RAPGEF2: variants seen among roughly 807,000 people sequenced by gnomAD.
RAPGEF2 encodes PDZ domain containing guanine nucleotide exchange factor (GEF) 1.
Under a neutral mutation model 186.7 loss-of-function variants are expected in RAPGEF2, and 54 were observed. The observed-to-expected ratio is 0.29, with a 90% CI of 0.23 to 0.36. The LOEUF (loss-of-function observed/expected upper bound fraction) is 0.36. Ranked by LOEUF, RAPGEF2 falls within the 10% of genes least tolerant of loss-of-function variation. The probability of loss-of-function intolerance (pLI) is 1.00; values close to 1 mark genes in which losing one functional copy is unlikely to be tolerated. For synonymous variants in RAPGEF2, 712 were observed against 705.9 expected (o/e 1.01, Z -0.14); for missense variants, 1,532 against 2,045.0 (o/e 0.75, Z 4.84).
intron 1 of RAPGEF2, among the ~76,000 whole-genome samples, chr4:159,104,508 GAGAGAGAGAGAGAGAGAGGGAGAGAC>G (rs1428538112): frequency 3.1e-5 from 4 of 128,692 alleles, no homozygotes; most frequent in South Asian, 4.9e-4. Flanking sequence ...GAGAGAGAGA[GAGAGAGAGAGAGAGAGAGGGAGAGAC>G]AGAGAGAGAG....
chr4:159,315,558 G>A (rs867990812), intron 9 of RAPGEF2, among the ~76,000 whole-genome samples: 3 of 152,086 alleles, frequency 2.0e-5, no homozygotes, highest in African/African-American at 4.8e-5. Flanking sequence ...ACCAAGTTGC[G>A]GAAACCGGTA....
At chr4:159,346,622 G>T (rs1306149524) in intron 24 of RAPGEF2, among the ~76,000 whole-genome samples, 167 bp from the exon 25 acceptor site, 2 of 151,972 alleles carry the variant, frequency 1.3e-5, no homozygotes, top group Non-Finnish European at 2.9e-5. Flanking sequence ...CTGTAACTAG[G>T]GTCCCCCATC....
At chr4:159,238,737 CT>C (rs2111465808) in intron 4 of RAPGEF2, 71 bp from the exon 5 acceptor site, 1 of 1,106,796 alleles carries the variant, frequency 9.0e-7, no homozygotes, top group South Asian at 1.8e-5. Context: ...GGAAGTTTGG[CT>C]TATGTTCACA....
intron 1 of RAPGEF2, among the ~76,000 whole-genome samples, chr4:159,146,516 T>C (rs1742982889): frequency 6.6e-6 from 1 of 152,184 alleles, no homozygotes; most frequent in South Asian, 2.1e-4. Flanking sequence ...TGTAATTACA[T>C]TTATTAATTT....
At chr4:159,194,962 G>A (rs1748483835) in intron 3 of RAPGEF2, among the ~76,000 whole-genome samples, 1 of 152,180 alleles carries the variant, frequency 6.6e-6, no homozygotes, top group African/African-American at 2.4e-5. Flanking sequence ...GTAAGTGCTT[G>A]AACTGAGGCA....
chr4:159,206,434 C>T (rs1749999092), intron 3 of RAPGEF2, among the ~76,000 whole-genome samples: 2 of 152,170 alleles, frequency 1.3e-5, no homozygotes, highest in South Asian at 4.1e-4. Flanking sequence ...TTCTCTTAAC[C>T]AGCTTCATTG....
chr4:159,282,169 T>A (rs1162122117), intron 7 of RAPGEF2, among the ~76,000 whole-genome samples: 1 of 152,220 alleles, frequency 6.6e-6, no homozygotes, highest in Non-Finnish European at 1.5e-5. Context: ...TTCATTTTCT[T>A]GATTTTTAAA....
chr4:159,233,481 A>T (rs1232249304), intron 4 of RAPGEF2, among the ~76,000 whole-genome samples: 1 of 152,234 alleles, frequency 6.6e-6, no homozygotes, highest in Non-Finnish European at 1.5e-5. Context: ...AGCAACCTGG[A>T]TGAGACTGGA....
intron 1 of RAPGEF2, among the ~76,000 whole-genome samples, chr4:159,138,898 T>C (rs1383860072): frequency 6.6e-6 from 1 of 152,188 alleles, no homozygotes; most frequent in Admixed American, 6.5e-5. Context: ...CCAACTTAAC[T>C]ACCACGTGAA....
intron 2 of RAPGEF2, among the ~76,000 whole-genome samples, chr4:159,190,540 A>C (rs1326514651): frequency 6.6e-6 from 1 of 152,238 alleles, no homozygotes; most frequent in Non-Finnish European, 1.5e-5. Context: ...TTACTGTATT[A>C]GTCTGTTCTC....
chr4:159,167,670 TTTTCTCTGTTTTGTATGCTAGTG>T (rs1745473206), intron 1 of RAPGEF2, among the ~76,000 whole-genome samples: 1 of 152,244 alleles, frequency 6.6e-6, no homozygotes, highest in African/African-American at 2.4e-5. Flanking sequence ...AGGACAATGA[TTTTCTCTGTTTTGTATGCTAGTG>T]TGTTCCTGGC....
intron 1 of RAPGEF2, among the ~76,000 whole-genome samples, chr4:159,185,219 G>C (rs1380292549): frequency 6.6e-6 from 1 of 152,108 alleles, no homozygotes; most frequent in African/African-American, 2.4e-5. Context: ...TTACCTGTGG[G>C]ATTATAAAAT....
chr4:159,134,010 C>G (rs1310369804), intron 1 of RAPGEF2, among the ~76,000 whole-genome samples: 2 of 152,178 alleles, frequency 1.3e-5, no homozygotes, highest in South Asian at 4.1e-4. Flanking sequence ...TGAGCCACCA[C>G]GCCTGGCAAT....
intron 1 of RAPGEF2, among the ~76,000 whole-genome samples, chr4:159,111,431 G>C (rs961848943): frequency 6.6e-6 from 1 of 152,202 alleles, no homozygotes; most frequent in Admixed American, 6.5e-5. Context: ...TGTACATTTC[G>C]CTGCCATTTG....
chr4:159,304,561 A>G, intron 8 of RAPGEF2, 88 bp downstream of exon 8: 2 of 1,259,332 alleles, frequency 1.6e-6, no homozygotes, highest in Non-Finnish European at 2.2e-6. Context: ...CTATAAAATA[A>G]ATATATGTGT....
At chr4:159,336,020 C>A (rs1767368176) in intron 17 of RAPGEF2, among the ~76,000 whole-genome samples, 1 of 151,980 alleles carries the variant, frequency 6.6e-6, no homozygotes, top group Non-Finnish European at 1.5e-5. Context: ...AATAAAATTC[C>A]ACTAACGTAA....
intron 11 of RAPGEF2, chr4:159,328,010 A>AG (rs1766170376): frequency 6.6e-6 from 1 of 152,166 alleles, no homozygotes; most frequent in African/African-American, 2.4e-5. Flanking sequence ...CTCTTCATAA[A>AG]GCATTTTTCC....
intron 1 of RAPGEF2, among the ~76,000 whole-genome samples, chr4:159,122,444 A>G (rs940931528): frequency 6.6e-6 from 1 of 151,970 alleles, no homozygotes; most frequent in Non-Finnish European, 1.5e-5. Context: ...GCACCACAGC[A>G]CTCCAGCCTG....
chr4:159,214,254 T>G (rs1372860244), intron 4 of RAPGEF2, among the ~76,000 whole-genome samples: 1 of 152,200 alleles, frequency 6.6e-6, no homozygotes, highest in East Asian at 1.9e-4. Context: ...CATAACTTTA[T>G]GAGGTGCTGA....
Sources: allele counts gnomAD v4.1 joint callset (sites outside exome capture counted in the v4.1 genomes callset), GRCh38; gene constraint gnomAD v4.1.1; transcripts MANE v1.5; gene names NCBI Gene and HGNC (gene_info 2026-07-23, HGNC 2026-07-21).